The following LARS1 variants were observed in gnomAD, a reference collection of about 807,000 sequenced individuals.
LARS1 encodes leucine--tRNA ligase, cytoplasmic.
A neutral mutation model predicts 162.8 loss-of-function variants in LARS1; 100 were observed. The ratio of observed to expected loss-of-function variants is 0.61; its 90% CI spans 0.52 to 0.73. The LOEUF (loss-of-function observed/expected upper bound fraction) is 0.73, where lower values mean the gene tolerates loss of function less well. Ranked by LOEUF, LARS1 falls within the 30% of genes least tolerant of loss-of-function variation. LARS1 has a pLI of 0.00. For synonymous variants in LARS1, 457 were observed against 462.8 expected (o/e 0.99, Z 0.16); for missense variants, 1,258 against 1,408.9 (o/e 0.89, Z 1.71).
chr5:146,151,321 G>C (rs1753279939), intron 14 of LARS1, among the ~76,000 whole-genome samples: 1 of 152,188 alleles, frequency 6.6e-6, no homozygotes, highest in African/African-American at 2.4e-5. Flanking sequence ...ATTTGACTCT[G>C]AAGCACCTAA....
intron 2 of LARS1, among the ~76,000 whole-genome samples, chr5:146,173,797 T>C (rs957336444): frequency 8.5e-5 from 13 of 152,128 alleles, no homozygotes; most frequent in African/African-American, 3.1e-4. Flanking sequence ...TTCTGAAATT[T>C]GCTTTTACCG....
chr5:146,176,473 A>C (rs1186177148), intron 2 of LARS1, among the ~76,000 whole-genome samples: 2 of 151,738 alleles, frequency 1.3e-5, no homozygotes. Context: ...AAAAAGAAAG[A>C]AAGAAAAAGA....
rs756345178 is a variant in LARS1 at position 146,123,951 on chromosome 5, A to G, written c.3096+31T>C. ...GCTGGATTATGGTTTAACTACAGTT[A>G]ACTGGTTATTACAATCCCTGGCCCT... On this transcript the variant is annotated intron_variant, in intron 29 of 31. Coordinates refer to ENST00000394434, the MANE Select transcript of LARS1 (RefSeq NM_020117.11). 7 of 1,153,070 alleles carry G rather than the reference A, an allele frequency of 6.1e-6. No homozygotes were observed. The African/African-American group carries it at 1.1e-4, about 17-fold the overall frequency. 71.4% of individuals were successfully genotyped at this position (1,153,070 alleles called of 1,614,324 possible). A position where few individuals can be genotyped will look rare whatever the true frequency, so the allele number is the denominator to read the frequency against.
At position 146,154,009 on chromosome 5, in the gene LARS1, G is replaced by A. The variant is rs771133688; in HGVS notation, c.1066-29C>T. 7 of 1,456,392 alleles carry A rather than the reference G, an allele frequency of 4.8e-6. No individual in the cohort carries two copies. The African/African-American group carries it at 8.5e-5, about 18-fold the overall frequency. 90.2% of individuals were successfully genotyped at this position (1,456,392 alleles called of 1,614,324 possible). A position where few individuals can be genotyped will look rare whatever the true frequency, so the allele number is the denominator to read the frequency against. ...CATAAGAAAAAAATCAATATAAAAG[G>A]TGAAGTAATTCATTGTGACCATTAG... On this transcript the variant is annotated intron_variant, in intron 10 of 31. Transcript: ENST00000394434.
At chr5:146,134,305 C>A (rs2963921) in intron 22 of LARS1, among the ~76,000 whole-genome samples, 91,190 of 152,020 alleles carry the variant, frequency 0.6, 28,002 homozygotes, top group Middle Eastern at 0.79. Flanking sequence ...CAGAGGTTCT[C>A]ATTATCTACC....
rs1165292996 is a variant in LARS1 at position 146,174,555 on chromosome 5, C to CAT, written c.126-1783_126-1782dup. On this transcript the variant is annotated intron_variant, in intron 2 of 31. Coordinates refer to ENST00000394434, the MANE Select transcript of LARS1 (RefSeq NM_020117.11). ...ATATATATCCATATATGTATATATC[C>CAT]ATATATATATATATCCATATATGTA... Among the ~76,000 whole-genome samples, 19 of 79,226 alleles carry CAT rather than the reference C, an allele frequency of 2.4e-4. 1 individual carries two copies. The highest frequency in any genetic ancestry group is 4.2e-4 in the African/African-American group (10 of 24,090). The allele number at this position is 79,226 out of a possible 152,430, so 52.0% of individuals were successfully genotyped here.
intron 30 of LARS1, among the ~76,000 whole-genome samples, chr5:146,121,247 C>A (rs1751806772): frequency 6.6e-6 from 1 of 151,992 alleles, no homozygotes. Flanking sequence ...TCAAAATAGG[C>A]CTTTTCTGTT....
intron 2 of LARS1, among the ~76,000 whole-genome samples, chr5:146,175,522 C>A (rs1434735948): frequency 2.4e-5 from 3 of 123,226 alleles, no homozygotes; most frequent in African/African-American, 9.3e-5. Context: ...GCCTAGGCAA[C>A]AGAGCAAGAC....
At chr5:146,116,193 C>T (rs1764199542) in intron 31 of LARS1, among the ~76,000 whole-genome samples, 1 of 152,146 alleles carries the variant, frequency 6.6e-6, no homozygotes, top group African/African-American at 2.4e-5. Context: ...TTCATGACAG[C>T]CACGATCTTA....
At chr5:146,130,637 G>T in intron 24 of LARS1, 1 of 175,840 alleles carries the variant, frequency 5.7e-6, no homozygotes, top group Non-Finnish European at 1.2e-5. Context: ...CAAACTTGAG[G>T]AAATACTGAC....
chr5:146,157,827 G>T, intron 8 of LARS1, 32 bp from the exon 9 acceptor site: 1 of 1,596,326 alleles, frequency 6.3e-7, no homozygotes, highest in Non-Finnish European at 8.6e-7. Flanking sequence ...AAATTTGAAG[G>T]AAAAAAAAGA....
At chr5:146,130,945 G>T in intron 24 of LARS1, 74 bp downstream of exon 24, 1 of 792,900 alleles carries the variant, frequency 1.3e-6, no homozygotes. Flanking sequence ...GCTATAGCAG[G>T]AAGAAAAAAG....
At chr5:146,172,870 ATAACT>A in intron 2 of LARS1, 96 bp from the exon 3 acceptor site, 2 of 496,308 alleles carry the variant, frequency 4.0e-6, no homozygotes, top group East Asian at 7.0e-5. Context: ...CTTGATATAA[ATAACT>A]TAAGGTTATT....
chr5:146,118,370 G>A (rs912584717), intron 31 of LARS1, among the ~76,000 whole-genome samples: 1 of 152,166 alleles, frequency 6.6e-6, no homozygotes, highest in African/African-American at 2.4e-5. Context: ...AAGGATGGAA[G>A]AGAGGGGACT....
chr5:146,137,083 A>C (rs1752535203), intron 21 of LARS1, among the ~76,000 whole-genome samples: 1 of 152,172 alleles, frequency 6.6e-6, no homozygotes, highest in Non-Finnish European at 1.5e-5. Flanking sequence ...CTTTTAGTAG[A>C]GATGGAGTTT....
chr5:146,122,282 G>A (rs778280181), intron 30 of LARS1, among the ~76,000 whole-genome samples: 1 of 151,928 alleles, frequency 6.6e-6, no homozygotes, highest in Admixed American at 6.6e-5. Flanking sequence ...AGTAAACTGA[G>A]GAAAAGGTAA....
chr5:146,159,226 C>A (rs952622920), intron 8 of LARS1, among the ~76,000 whole-genome samples, 181 bp downstream of exon 8: 8 of 152,144 alleles, frequency 5.3e-5, no homozygotes, highest in African/African-American at 1.9e-4. Context: ...CTTAGGATAG[C>A]TAGGTACTAC....
intron 15 of LARS1, among the ~76,000 whole-genome samples, chr5:146,148,641 C>T (rs1246794924): frequency 6.6e-6 from 1 of 151,836 alleles, no homozygotes; most frequent in African/African-American, 2.4e-5. Context: ...AAATGTGGGA[C>T]GTTAGAGAAA....
chr5:146,125,381 G>A lies in LARS1; in HGVS notation c.2991+1054C>T, dbSNP rs192205825. Among the ~76,000 whole-genome samples the A allele has an allele frequency of 5.3e-5, 8 of 152,046 alleles. No individual in the cohort carries two copies. The East Asian group carries it at 1.5e-3, about 29-fold the overall frequency. On this transcript the variant is annotated intron_variant, in intron 28 of 31. Coordinates refer to ENST00000394434, the MANE Select transcript of LARS1 (RefSeq NM_020117.11). ...TATTATAATATTGAAGAAGTTAAGA[G>A]GTCTGGTCTCCATCAGGCATCTGCA... is the stretch of plus-strand genomic sequence containing the variant.
Sources: allele counts gnomAD v4.1 joint callset (sites outside exome capture counted in the v4.1 genomes callset), GRCh38; gene constraint gnomAD v4.1.1; transcripts MANE v1.5; gene names NCBI Gene and HGNC (gene_info 2026-07-23, HGNC 2026-07-21).